Variants in PPFIA2 observed in about 807,000 individuals in gnomAD.
PPFIA2 encodes the protein liprin-alpha-2.
Under a neutral mutation model 175.5 loss-of-function variants are expected in PPFIA2, and 46 were observed. The ratio of observed to expected loss-of-function variants is 0.26; its 90% confidence interval spans 0.21 to 0.34. The LOEUF (loss-of-function observed/expected upper bound fraction) is 0.34. Among genes scored for constraint, PPFIA2 ranks in the 10% least tolerant of loss-of-function variants. PPFIA2 has a pLI of 1.00. For missense variants in PPFIA2, 1,179 were observed against 1,506.1 expected (o/e 0.78, Z 3.60); for synonymous variants, 568 against 511.4 (o/e 1.11, Z -1.49).
intron 3 of PPFIA2, among the ~76,000 whole-genome samples, chr12:81,695,057 AATTT>A (rs1765787631): frequency 6.6e-6 from 1 of 151,796 alleles, no homozygotes; most frequent in African/African-American, 2.4e-5. Context: ...GGAAATAACT[AATTT>A]GTTTTTTATT....
At chr12:81,418,798 C>T (rs1305092742) in intron 7 of PPFIA2, among the ~76,000 whole-genome samples, 2 of 151,818 alleles carry the variant, frequency 1.3e-5, no homozygotes, top group African/African-American at 4.8e-5. Flanking sequence ...TAATTTCCTT[C>T]ACATAAGTAC....
At chr12:81,477,102 T>A (rs1243574727) in intron 4 of PPFIA2, among the ~76,000 whole-genome samples, 1 of 151,926 alleles carries the variant, frequency 6.6e-6, no homozygotes, top group Non-Finnish European at 1.5e-5. Flanking sequence ...AGCTAATGTA[T>A]GCTGTGCTTA....
intron 4 of PPFIA2, among the ~76,000 whole-genome samples, chr12:81,612,226 T>C (rs1003856304): frequency 1.3e-5 from 2 of 152,106 alleles, no homozygotes; most frequent in Non-Finnish European, 1.5e-5. Flanking sequence ...GGCTTTTACT[T>C]CCAGACAATC....
At chr12:81,271,775 G>C (rs2039180719) in intron 28 of PPFIA2, among the ~76,000 whole-genome samples, 1 of 151,860 alleles carries the variant, frequency 6.6e-6, no homozygotes, top group African/African-American at 2.4e-5. Context: ...TAAAATTTAA[G>C]TCCTGCAGAT....
At chr12:81,526,880 A>C (rs554642319) in intron 4 of PPFIA2, among the ~76,000 whole-genome samples, 1 of 152,190 alleles carries the variant, frequency 6.6e-6, no homozygotes, top group South Asian at 2.1e-4. Flanking sequence ...TAGAATTCTC[A>C]TAACAGATTT....
chr12:81,754,316 T>C, intron 2 of PPFIA2, 93 bp from the exon 3 acceptor site: 3 of 1,449,378 alleles, frequency 2.1e-6, no homozygotes, highest in Non-Finnish European at 2.8e-6. Flanking sequence ...TTTCAGCTTA[T>C]TAGCCTATTT....
At chr12:81,627,148 G>C (rs530191472) in intron 4 of PPFIA2, among the ~76,000 whole-genome samples, 4 of 152,090 alleles carry the variant, frequency 2.6e-5, no homozygotes, top group African/African-American at 9.6e-5. Flanking sequence ...ACAAAAAGGG[G>C]CTGATAAATG....
intron 7 of PPFIA2, among the ~76,000 whole-genome samples, chr12:81,435,841 C>T (rs1417799093): frequency 6.6e-6 from 1 of 151,994 alleles, no homozygotes; most frequent in African/African-American, 2.4e-5. Flanking sequence ...TCTAAACTGT[C>T]ACTGTAACAA....
intron 5 of PPFIA2, among the ~76,000 whole-genome samples, chr12:81,448,542 T>G (rs2051772511): frequency 6.6e-6 from 1 of 152,234 alleles, no homozygotes; most frequent in Admixed American, 6.5e-5. Flanking sequence ...CAAGTGAAAG[T>G]CAAAGTCCTT....
intron 9 of PPFIA2, 43 bp from the exon 10 acceptor site, chr12:81,375,985 ATTGT>A: frequency 4.6e-6 from 7 of 1,529,940 alleles, no homozygotes; most frequent in African/African-American, 1.4e-5. Flanking sequence ...AGATTCTCAG[ATTGT>A]TTAATTATTG....
At chr12:81,268,390 G>A (rs2038071311) in intron 28 of PPFIA2, among the ~76,000 whole-genome samples, 1 of 151,624 alleles carries the variant, frequency 6.6e-6, no homozygotes, top group Non-Finnish European at 1.5e-5. Context: ...CGCCCGCCTC[G>A]GCCTCCCAAA....
intron 3 of PPFIA2, among the ~76,000 whole-genome samples, chr12:81,702,045 G>A (rs556562920): frequency 7.9e-5 from 12 of 152,242 alleles, no homozygotes; most frequent in African/African-American, 2.6e-4. Context: ...GAAAATGTGG[G>A]ATGTAAGCTG....
At chr12:81,675,471 A>G (rs961436464) in intron 4 of PPFIA2, 2 of 152,054 alleles carry the variant, frequency 1.3e-5, no homozygotes, top group African/African-American at 4.8e-5. Flanking sequence ...AATGGATAAG[A>G]TCTTTATCAG....
At position 81,662,821 on chromosome 12, in the gene PPFIA2, G is replaced by A. The variant is rs1242057632; in HGVS notation, c.303+13970C>T. ...ATCCTCAGTAAAATACTGGCCAACTGAATCCAGCAACATATCAAAAAGCTT... is the reference window on the plus strand; with the variant it reads ...ATCCTCAGTAAAATACTGGCCAACTAAATCCAGCAACATATCAAAAAGCTT... On this transcript the variant is annotated intron_variant, in intron 4 of 32. Coordinates refer to ENST00000549396, the MANE Select transcript of PPFIA2 (RefSeq NM_003625.5). 2.0e-5 allele frequency among the ~76,000 whole-genome samples: 3 copies of A among 152,112 alleles called. 1 individual carries two copies. Among genetic ancestry groups the A allele is most frequent in the African/African-American group, 7.2e-5 (3 of 41,436 alleles).
At chr12:81,609,785 T>C (rs1008714952) in intron 4 of PPFIA2, among the ~76,000 whole-genome samples, 3 of 152,160 alleles carry the variant, frequency 2.0e-5, no homozygotes, top group African/African-American at 4.8e-5. Flanking sequence ...AAGGTTAATA[T>C]TGATATGTGT....
intron 3 of PPFIA2, among the ~76,000 whole-genome samples, chr12:81,695,260 A>T (rs2075765390): frequency 6.6e-6 from 1 of 152,066 alleles, no homozygotes; most frequent in Non-Finnish European, 1.5e-5. Context: ...ATTTGTCCCC[A>T]CCCTACTTTT....
At chr12:81,472,016 T>C (rs2056817398) in intron 4 of PPFIA2, among the ~76,000 whole-genome samples, 1 of 152,172 alleles carries the variant, frequency 6.6e-6, no homozygotes, top group Non-Finnish European at 1.5e-5. Context: ...GGAAATATTA[T>C]TCAACAATAA....
intron 7 of PPFIA2, among the ~76,000 whole-genome samples, chr12:81,433,017 AC>A (rs1312047054): frequency 1.5e-5 from 2 of 135,684 alleles, no homozygotes; most frequent in African/African-American, 3.1e-5. Flanking sequence ...TTTCACTTTA[AC>A]AAAAATTAAA....
intron 22 of PPFIA2, among the ~76,000 whole-genome samples, chr12:81,304,919 C>T (rs1332243599): frequency 1.3e-5 from 2 of 151,930 alleles, no homozygotes; most frequent in Admixed American, 1.3e-4. Context: ...ATAGCACGGA[C>T]TTGAGTCAGG....
Sources: gnomAD v4.1 joint callset for allele counts (sites outside exome capture counted in the v4.1 genomes callset) on GRCh38, gnomAD v4.1.1 for gene constraint, MANE v1.5 for transcripts, NCBI Gene and HGNC (gene_info 2026-07-23, HGNC 2026-07-21) for gene names.